The following ZSCAN5A variants were observed in gnomAD, a reference collection of about 807,000 sequenced individuals.
ZSCAN5A encodes zinc finger and SCAN domain containing 5A.
In ZSCAN5A, 12 loss-of-function variants were observed where a neutral mutation model predicts 23.7. That is an observed-to-expected ratio of 0.51 (90% CI 0.32 to 0.82). The LOEUF is 0.82. Among genes scored for constraint, ZSCAN5A ranks in the 40% least tolerant of loss-of-function variants. The probability of loss-of-function intolerance (pLI) is 0.03; values close to 1 mark genes in which losing one functional copy is unlikely to be tolerated. For synonymous variants in ZSCAN5A, 257 were observed against 239.9 expected (o/e 1.07, Z -0.66); for missense variants, 597 against 617.9 (o/e 0.97, Z 0.36).
chr19:56,333,952 T>C (rs894860242), intron 2 of ZSCAN5A, among the ~76,000 whole-genome samples: 2 of 152,102 alleles, frequency 1.3e-5, no homozygotes. Context: ...ATTGTAAGAA[T>C]TCTGGCATCA....
Position 56,344,674 on chromosome 19 carries a change from C to T in ZSCAN5A, c.-358+18561G>A, listed in dbSNP as rs1483282933. Among the ~76,000 whole-genome samples, 23 of 149,702 alleles carry T rather than the reference C, an allele frequency of 1.5e-4. 1 individual carries two copies. In the Middle Eastern group the frequency reaches 0.017, roughly 113 times the overall value. ...ATCCCAGCACTTTGGGAGGCCGAGG[C>T]GGGTGGATCATGAGGTCAGGAGATC... is the stretch of plus-strand genomic sequence containing the variant. On this transcript the variant is annotated intron_variant, in intron 2 of 6. Coordinates refer to the ZSCAN5A transcript ENST00000587340.
chr19:56,239,934 T>A (rs10412157), intron 2 of ZSCAN5A, among the ~76,000 whole-genome samples: 106,553 of 151,444 alleles, frequency 0.7, 38,871 homozygotes, highest in Middle Eastern at 0.8. Context: ...GAGGCCGAGG[T>A]GGGCAGATCA....
At chr19:56,318,698 A>G (rs2041342828), upstream of ZSCAN5A, among the ~76,000 whole-genome samples, 1 of 152,268 alleles carries the variant, frequency 6.6e-6, no homozygotes, top group Non-Finnish European at 1.5e-5. Context: ...CGTATATTTA[A>G]TAAAAGTGAA....
chr19:56,232,478 A>G (rs1463656496), intron 2 of ZSCAN5A, among the ~76,000 whole-genome samples: 1 of 151,990 alleles, frequency 6.6e-6, no homozygotes, highest in Non-Finnish European at 1.5e-5. Flanking sequence ...ATTTTATATC[A>G]ACTGTACCTC....
At chr19:56,337,835 G>A (rs961062420) in intron 2 of ZSCAN5A, among the ~76,000 whole-genome samples, 12 of 152,290 alleles carry the variant, frequency 7.9e-5, no homozygotes, top group Middle Eastern at 6.8e-3. Flanking sequence ...GTGTGTGTGC[G>A]TGTGCAGGTA....
chr19:56,301,228 G>A (rs893732967), intron 2 of ZSCAN5A, among the ~76,000 whole-genome samples: 1 of 152,240 alleles, frequency 6.6e-6, no homozygotes, highest in African/African-American at 2.4e-5. Flanking sequence ...CTGCTGGACT[G>A]AGTCTCCTTA....
At chr19:56,276,148 C>G (rs2038233194) in intron 2 of ZSCAN5A, among the ~76,000 whole-genome samples, 1 of 152,208 alleles carries the variant, frequency 6.6e-6, no homozygotes, top group African/African-American at 2.4e-5. Flanking sequence ...ATTTTCATAG[C>G]TACCTCTCCT....
chr19:56,346,908 T>C (rs2041637703), intron 2 of ZSCAN5A, among the ~76,000 whole-genome samples: 1 of 152,064 alleles, frequency 6.6e-6, no homozygotes, highest in Admixed American at 6.6e-5. Context: ...TTTGTATTTT[T>C]AGTAGAGATG....
chr19:56,291,060 G>C (rs1034136024), intron 2 of ZSCAN5A, among the ~76,000 whole-genome samples: 63 of 152,180 alleles, frequency 4.1e-4, no homozygotes, highest in African/African-American at 1.5e-3. Context: ...GTGTGTCTGG[G>C]ATACGGTGGG....
At chr19:56,284,274 C>T (rs1274074845) in intron 2 of ZSCAN5A, 4 of 595,470 alleles carry the variant, frequency 6.7e-6, no homozygotes, top group Non-Finnish European at 8.4e-6. Flanking sequence ...GGGCTTTGCT[C>T]TAGAATGTAC....
Position 56,301,846 on chromosome 19 carries a change from C to T in ZSCAN5A, c.-128+11437G>A, listed in dbSNP as rs2040254396. On this transcript the variant is annotated intron_variant, in intron 2 of 5. Transcript: ENST00000683990. The stretch of plus-strand genomic sequence containing the variant: ...TGATGGTGGGTGTGGACCAAAATTT[C>T]AATTCAGGAGGCAGGCAGAGATGTG... 6 of 1,175,028 alleles carry T rather than the reference C, an allele frequency of 5.1e-6. No individual in the cohort carries two copies. In the South Asian group the frequency reaches 1.3e-4, roughly 26 times the overall value. The allele number at this position is 1,175,028 out of a possible 1,614,324, so 72.8% of individuals were successfully genotyped here. A position where few individuals can be genotyped will look rare whatever the true frequency, so the allele number is the denominator to read the frequency against.
chr19:56,328,746 A>G (rs1415171036), intron 2 of ZSCAN5A, among the ~76,000 whole-genome samples: 8 of 147,228 alleles, frequency 5.4e-5, no homozygotes, highest in East Asian at 2.1e-4. Context: ...TCATGCCTGT[A>G]ATCCCAGCAC....
At position 56,232,007 on chromosome 19, in the gene ZSCAN5A, A is replaced by ATTTTT. The variant is rs1568619851; in HGVS notation, c.-127-6835_-127-6834insAAAAA. Among the ~76,000 whole-genome samples the ATTTTT allele has an allele frequency of 3.9e-3, 43 of 10,894 alleles. 1 individual carries two copies. In the East Asian group the frequency reaches 0.079, roughly 20 times the overall value. 7.1% of individuals were successfully genotyped at this position (10,894 alleles called of 152,430 possible). ...TCTTTTTTTCTTTTCTTTTTTTTTG[A>ATTTTT]GACAGTGTCTTGCTCTGTTGCCCAG... On this transcript the variant is annotated intron_variant, in intron 2 of 5. Transcript: ENST00000683990.
chr19:56,365,426 T>A (rs1179750306), intron 1 of ZSCAN5A, among the ~76,000 whole-genome samples: 1 of 152,204 alleles, frequency 6.6e-6, no homozygotes, highest in African/African-American at 2.4e-5. Context: ...ACACGCAGTT[T>A]CCCTATACAA....
intron 2 of ZSCAN5A, chr19:56,228,301 C>T: frequency 1.0e-6 from 1 of 985,364 alleles, no homozygotes; most frequent in African/African-American, 1.7e-5. Flanking sequence ...ATGCGCTCTC[C>T]AACCGGCCTG....
chr19:56,320,250 G>C, intron 2 of ZSCAN5A: 1 of 512,102 alleles, frequency 2.0e-6, no homozygotes, highest in Non-Finnish European at 3.7e-6. Flanking sequence ...CCTGAGTAGG[G>C]CTTGCTCTGC....
rs1175412267 is a variant in ZSCAN5A, at chr19:56,237,956, T to A, written c.-127-12783A>T. Among the ~76,000 whole-genome samples, 11 of 2,222 alleles carry A rather than the reference T, an allele frequency of 5.0e-3. No homozygotes were observed. The East Asian group carries it at 0.12, about 24-fold the overall frequency. The allele number at this position is 2,222 out of a possible 152,430, so 1.5% of individuals were successfully genotyped here. The stretch of plus-strand genomic sequence containing the variant: ...TTTAAAAAATGATAGATCATAAGTG[T>A]TTCACCACAGACACACGGACACACA... On this transcript the variant is annotated intron_variant, in intron 2 of 5. Coordinates refer to ENST00000683990, the MANE Select transcript of ZSCAN5A (RefSeq NM_001322064.3).
At chr19:56,240,413 T>C (rs1036244) in intron 2 of ZSCAN5A, among the ~76,000 whole-genome samples, 59,136 of 151,898 alleles carry the variant, frequency 0.39, 12,289 homozygotes, top group South Asian at 0.59. Flanking sequence ...CATGGGGCAG[T>C]GCAGGAACTG....
At chr19:56,342,829 C>A in intron 2 of ZSCAN5A, 1 of 824,276 alleles carries the variant, frequency 1.2e-6, no homozygotes, top group South Asian at 1.3e-5. Flanking sequence ...CCTAAGACAT[C>A]TTCCTCTCAA....
Sources: gnomAD v4.1 joint callset for allele counts (sites outside exome capture counted in the v4.1 genomes callset) on GRCh38, gnomAD v4.1.1 for gene constraint, MANE v1.5 for transcripts, NCBI Gene and HGNC (gene_info 2026-07-23, HGNC 2026-07-21) for gene names.